Variants in NELL2 observed in about 807,000 individuals in gnomAD.
The protein encoded by NELL2 is neural EGFL like 2.
A neutral mutation model predicts 109.6 loss-of-function variants in NELL2; 41 were observed. The ratio of observed to expected loss-of-function variants is 0.37; its 90% CI spans 0.29 to 0.49. The LOEUF is 0.49. Among genes scored for constraint, NELL2 ranks in the 20% least tolerant of loss-of-function variants. The probability of loss-of-function intolerance (pLI) is 0.98; values close to 1 mark genes in which losing one functional copy is unlikely to be tolerated. For missense variants in NELL2, 900 were observed against 1,008.3 expected (o/e 0.89, Z 1.45); for synonymous variants, 355 against 344.7 (o/e 1.03, Z -0.33).
intron 15 of NELL2, among the ~76,000 whole-genome samples, chr12:44,604,920 A>G (rs1227267073): frequency 6.6e-6 from 1 of 152,182 alleles, no homozygotes; most frequent in African/African-American, 2.4e-5. Context: ...GGTAAAGACA[A>G]GGAATCAAAA....
intron 2 of NELL2, among the ~76,000 whole-genome samples, chr12:44,841,595 TG>T (rs1256506103): frequency 3.3e-5 from 5 of 152,074 alleles, no homozygotes; most frequent in Admixed American, 3.3e-4. Flanking sequence ...AAGAAAAATG[TG>T]TAGACGAAGA....
chr12:44,865,875 T>C (rs996319131), intron 2 of NELL2, among the ~76,000 whole-genome samples: 1 of 151,350 alleles, frequency 6.6e-6, no homozygotes, highest in Non-Finnish European at 1.5e-5. Context: ...TCATATCAAG[T>C]ACCTTTTCTA....
intron 15 of NELL2, among the ~76,000 whole-genome samples, chr12:44,588,637 A>T (rs1194049629): frequency 6.6e-6 from 1 of 152,168 alleles, no homozygotes; most frequent in Non-Finnish European, 1.5e-5. Flanking sequence ...ACAGGTCTAA[A>T]CCTGAGTGAG....
intron 15 of NELL2, among the ~76,000 whole-genome samples, chr12:44,565,025 A>C (rs1412703270): frequency 6.6e-6 from 1 of 152,186 alleles, no homozygotes; most frequent in African/African-American, 2.4e-5. Flanking sequence ...GGATATTTTT[A>C]ATCTTTTTCC....
chr12:44,806,479 A>G (rs1188574578), intron 3 of NELL2, among the ~76,000 whole-genome samples: 2 of 151,848 alleles, frequency 1.3e-5, no homozygotes, highest in Admixed American at 1.3e-4. Context: ...ATATTCACCT[A>G]TATTTGGTGT....
chr12:44,903,188 T>A (rs1945681802), intron 1 of NELL2, among the ~76,000 whole-genome samples: 1 of 151,920 alleles, frequency 6.6e-6, no homozygotes, highest in East Asian at 1.9e-4. Flanking sequence ...ACTTAAACAA[T>A]TTACAAGAAA....
At chr12:44,769,849 G>A (rs994345910) in intron 9 of NELL2, among the ~76,000 whole-genome samples, 8 of 152,096 alleles carry the variant, frequency 5.3e-5, no homozygotes, top group Admixed American at 2.0e-4. Context: ...TTTTTGACCC[G>A]CATCAGAAAT....
intron 5 of NELL2, among the ~76,000 whole-genome samples, chr12:44,777,542 T>C (rs1017517955): frequency 4.6e-5 from 7 of 152,146 alleles, no homozygotes; most frequent in African/African-American, 1.7e-4. Context: ...TTTAAAGCCT[T>C]AAGATTAAAT....
chr12:44,894,382 A>G (rs894196034), intron 1 of NELL2, among the ~76,000 whole-genome samples: 12 of 148,914 alleles, frequency 8.1e-5, no homozygotes, highest in African/African-American at 2.9e-4. Context: ...GAAATGGAAG[A>G]AAAAAAATGA....
intron 2 of NELL2, among the ~76,000 whole-genome samples, chr12:44,864,304 C>T (rs771632769): frequency 9.2e-5 from 14 of 151,938 alleles, no homozygotes; most frequent in Admixed American, 3.3e-4. Flanking sequence ...AAAGCAAGAC[C>T]CAGATACATG....
At chr12:44,825,473 G>A (rs1025595498) in intron 2 of NELL2, among the ~76,000 whole-genome samples, 15 of 129,286 alleles carry the variant, frequency 1.2e-4, no homozygotes, top group Admixed American at 6.7e-4. Context: ...TCATCTCACT[G>A]CAACCTCTGC....
chr12:44,897,570 G>A (rs1592710320), intron 1 of NELL2, among the ~76,000 whole-genome samples: 3 of 152,116 alleles, frequency 2.0e-5, no homozygotes, highest in Admixed American at 2.0e-4. Flanking sequence ...GTGCCATAAC[G>A]GACAGTGCTG....
intron 9 of NELL2, among the ~76,000 whole-genome samples, chr12:44,742,257 T>A (rs1209165286): frequency 5.9e-5 from 9 of 152,076 alleles, no homozygotes; most frequent in Admixed American, 2.6e-4. Flanking sequence ...GTCCTCTCTG[T>A]TGGAAGGAAA....
intron 15 of NELL2, among the ~76,000 whole-genome samples, chr12:44,540,706 T>C (rs1028132356): frequency 2.0e-5 from 3 of 148,456 alleles, no homozygotes; most frequent in Admixed American, 1.4e-4. Flanking sequence ...CAAAGTCCCC[T>C]GCATTTCAGT....
chr12:44,876,328 G>C (rs530626524), upstream of NELL2: 3 of 1,187,666 alleles, frequency 2.5e-6, no homozygotes, highest in South Asian at 3.1e-5. Context: ...AGAAAGCTCC[G>C]GGAGACGCGC....
chr12:44,867,426 A>G (rs1053754844), intron 2 of NELL2, among the ~76,000 whole-genome samples: 4 of 152,250 alleles, frequency 2.6e-5, no homozygotes, highest in African/African-American at 9.6e-5. Flanking sequence ...ACAAAATTCA[A>G]CATCATTTCA....
intron 15 of NELL2, among the ~76,000 whole-genome samples, chr12:44,583,862 T>G (rs1220806466): frequency 6.6e-6 from 1 of 152,188 alleles, no homozygotes; most frequent in Non-Finnish European, 1.5e-5. Context: ...AATCTCTGCC[T>G]CCCAGGCTCA....
chr12:44,728,916 T>C (rs575220450), intron 9 of NELL2, among the ~76,000 whole-genome samples: 2 of 152,180 alleles, frequency 1.3e-5, no homozygotes, highest in South Asian at 4.2e-4. Context: ...ATAAAGACTT[T>C]TCCAGATAAC....
chr12:44,728,259 C>T (rs1209087129), intron 9 of NELL2, among the ~76,000 whole-genome samples: 2 of 151,786 alleles, frequency 1.3e-5, no homozygotes, highest in East Asian at 1.9e-4. Flanking sequence ...TTTAAATGAC[C>T]AAACAGATAT....
Sources: gnomAD v4.1 joint callset for allele counts (sites outside exome capture counted in the v4.1 genomes callset) on GRCh38, gnomAD v4.1.1 for gene constraint, MANE v1.5 for transcripts, NCBI Gene and HGNC (gene_info 2026-07-23, HGNC 2026-07-21) for gene names.